Variants in SH3TC2 observed in about 807,000 individuals in gnomAD.
The protein encoded by SH3TC2 is SH3 domain and tetratricopeptide repeat-containing protein 2.
In SH3TC2, 87 loss-of-function variants were observed where a neutral mutation model predicts 124.5. The ratio of observed to expected loss-of-function variants is 0.70; its 90% CI spans 0.59 to 0.84. The LOEUF (loss-of-function observed/expected upper bound fraction) is 0.84, where lower values mean the gene tolerates loss of function less well. Ranked by LOEUF, SH3TC2 falls within the 40% of genes least tolerant of loss-of-function variation. The pLI is 0.00. For missense variants in SH3TC2, 1,536 were observed against 1,566.4 expected, an observed-to-expected ratio of 0.98 and a Z score of 0.33; for synonymous variants, 634 against 628.5, an observed-to-expected ratio of 1.01 and a Z score of -0.13.
At position 148,996,212 on chromosome 5, in the gene SH3TC2, GC is replaced by G. The variant is rs1753507561; in HGVS notation, c.*8498del. 6.6e-6 allele frequency among the ~76,000 whole-genome samples: 1 copy of G among 151,868 alleles called. No homozygotes were observed. The highest frequency in any genetic ancestry group is 2.4e-5 in the African/African-American group (1 of 41,332). On this transcript the variant is annotated 3_prime_UTR_variant, in exon 17 of 17. Transcript: ENST00000515425. ...AAGGTCGAGGTAGCAGTGAACCATG[GC>G]CACCCCACTGCACTCCAGCCTGGGC...
rs768131868 is a variant in SH3TC2, at chr5:148,996,986, G to A, written c.*7725C>T. 7.9e-5 allele frequency among the ~76,000 whole-genome samples: 12 copies of A among 152,168 alleles called. No homozygotes were observed. Among genetic ancestry groups the A allele is most frequent in the Non-Finnish European group, 1.2e-4 (8 of 68,022 alleles). ...AATTAAGCATTCCTGAATACTAAGT[G>A]AGTAAAAAAAGTGCTACTACCAACA... is the stretch of plus-strand genomic sequence containing the variant. On this transcript the variant is annotated 3_prime_UTR_variant, in exon 17 of 17. Transcript: ENST00000515425.
intron 1 of SH3TC2, among the ~76,000 whole-genome samples, chr5:149,055,104 TTGA>T (rs1754619153): frequency 1.3e-5 from 2 of 152,276 alleles, no homozygotes; most frequent in South Asian, 4.1e-4. Context: ...TCTGCATGAC[TTGA>T]TGTTGACAGT....
intron 15 of SH3TC2, chr5:149,007,289 A>G (rs1753707495): frequency 1.5e-6 from 1 of 645,744 alleles, no homozygotes; most frequent in African/African-American, 1.8e-5. Context: ...CAAATGTAAC[A>G]TTACACATGT....
At chr5:149,042,345 A>G (rs969339827) in intron 5 of SH3TC2, among the ~76,000 whole-genome samples, 1 of 152,202 alleles carries the variant, frequency 6.6e-6, no homozygotes, top group African/African-American at 2.4e-5. Flanking sequence ...GGGTTTCTCG[A>G]TTTTGGGTAG....
intron 12 of SH3TC2, among the ~76,000 whole-genome samples, chr5:149,020,912 C>A (rs571590737): frequency 4.6e-5 from 7 of 152,010 alleles, no homozygotes; most frequent in African/African-American, 1.7e-4. Flanking sequence ...CATAAGAACA[C>A]CAAGGAAATA....
In SH3TC2 at chr5:148,993,073, C is replaced by A. The variant is rs1753447386; in HGVS notation, c.*11638G>T. On this transcript the variant is annotated 3_prime_UTR_variant, in exon 17 of 17. Coordinates refer to ENST00000515425, the MANE Select transcript of SH3TC2 (RefSeq NM_024577.4). ...TCTGGGCTGCCTTTACCTGGCCTCA[C>A]TCCTGGCTTCCATAGACGCTTAAGG... Among the ~76,000 whole-genome samples, 1 of 152,180 alleles carries A rather than the reference C, an allele frequency of 6.6e-6. No homozygotes were observed. Among genetic ancestry groups the A allele is most frequent in the South Asian group, 2.1e-4 (1 of 4,826 alleles).
chr5:149,010,282 C>T lies in SH3TC2; in HGVS notation c.3315G>A (p.Val1105=), dbSNP rs375970910. 1,780 of 1,614,132 alleles carry T rather than the reference C, an allele frequency of 1.1e-3. 2 individuals are homozygous for T. The highest frequency in any genetic ancestry group is 1.3e-3 in the Non-Finnish European group (1,564 of 1,180,058). Residue 1105 remains valine (V), a synonymous_variant, in exon 14 of 17, where the codon GTG becomes GTA. Transcript: ENST00000515425. Reference sequence around the variant, plus strand: ...AGCTTGGACTTACTCGGTAGTACTCCACTGCATGATGCCTGTGGCGGGTCC... The same window carrying T: ...AGCTTGGACTTACTCGGTAGTACTCTACTGCATGATGCCTGTGGCGGGTCC... ...FNGTRHRHHA[V]EYYRAGAVPL...
chr5:149,058,727 G>A (rs557889283), intron 1 of SH3TC2, among the ~76,000 whole-genome samples: 1 of 152,250 alleles, frequency 6.6e-6, no homozygotes, highest in East Asian at 1.9e-4. Flanking sequence ...GCATGCTGGG[G>A]AGGTGGGTAG....
At chr5:149,056,763 C>A (rs950235393) in intron 1 of SH3TC2, among the ~76,000 whole-genome samples, 3 of 152,192 alleles carry the variant, frequency 2.0e-5, no homozygotes, top group African/African-American at 7.2e-5. Flanking sequence ...AATAGTTACA[C>A]ATGGATTGAC....
intron 13 of SH3TC2, 83 bp downstream of exon 13, chr5:149,012,500 TC>T (rs1753800175): frequency 1.7e-5 from 26 of 1,543,828 alleles, no homozygotes; most frequent in Non-Finnish European, 2.3e-5. Flanking sequence ...CCTCTCTGGT[TC>T]CCCCTGGTTG....
intron 1 of SH3TC2, among the ~76,000 whole-genome samples, chr5:149,059,841 T>C (rs1754715619): frequency 6.6e-6 from 1 of 152,158 alleles, no homozygotes; most frequent in South Asian, 2.1e-4. Flanking sequence ...CCCCTAAGTA[T>C]GTTTATGATG....
chr5:149,026,808 C>G (rs1754071739), intron 11 of SH3TC2, 52 bp downstream of exon 11: 4 of 1,614,058 alleles, frequency 2.5e-6, no homozygotes, highest in Non-Finnish European at 3.4e-6. Context: ...ATGGATAAAA[C>G]TTGATCCAAC....
chr5:149,034,345 A>G, intron 8 of SH3TC2: 1 of 176,236 alleles, frequency 5.7e-6, no homozygotes, highest in South Asian at 1.1e-4. Flanking sequence ...AAAAAATATA[A>G]AAGAACTGAT....
At position 149,038,283 on chromosome 5, in the gene SH3TC2, G is replaced by A. The variant is rs1489704320; in HGVS notation, c.1001+12C>T. 2 of 1,613,138 alleles carry A rather than the reference G, an allele frequency of 1.2e-6. No homozygotes were observed. The highest frequency in any genetic ancestry group is 4.5e-5 in the East Asian group (2 of 44,876). ...AGCCCAGCTCCAGGACATGCTCACT[G>A]TCAATACTCACATTGGGGAATAAGA... On this transcript the variant is annotated intron_variant, in intron 8 of 16. Transcript: ENST00000515425.
Position 148,991,379 on chromosome 5 carries a change from C to G in SH3TC2, c.*13332G>C, listed in dbSNP as rs1561750919. ...AATTTCTTTGTGGGGAGTAGCAACA[C>G]AAACCATCCAGCCAGCAATTAAATC... On this transcript the variant is annotated 3_prime_UTR_variant, in exon 17 of 17. Transcript: ENST00000515425. Among the ~76,000 whole-genome samples, 2 of 152,198 alleles carry G rather than the reference C, an allele frequency of 1.3e-5. No individual in the cohort carries two copies. The highest frequency in any genetic ancestry group is 2.4e-5 in the African/African-American group (1 of 41,450).
chr5:149,008,507 T>C (rs1385606713), intron 15 of SH3TC2: 1 of 373,908 alleles, frequency 2.7e-6, no homozygotes, highest in Non-Finnish European at 5.0e-6. Context: ...ACTTTACACT[T>C]GGGGAACAAC....
At position 149,019,166 on chromosome 5, in the gene SH3TC2, G is replaced by C. The variant is rs568240470; in HGVS notation, c.3054-6432C>G. 7.2e-5 allele frequency among the ~76,000 whole-genome samples: 11 copies of C among 152,348 alleles called. No homozygotes were observed. In the East Asian group the frequency reaches 2.1e-3, roughly 29 times the overall value. On this transcript the variant is annotated intron_variant, in intron 12 of 16. Transcript: ENST00000515425. The stretch of plus-strand genomic sequence containing the variant: ...TGTGTTTATGTTCTTTTGTCAGACA[G>C]TGAGAACCTCATACAGCTTTCCCCT...
At chr5:149,040,305 C>T (rs1754347103) in intron 7 of SH3TC2, among the ~76,000 whole-genome samples, 2 of 152,162 alleles carry the variant, frequency 1.3e-5, no homozygotes, top group African/African-American at 2.4e-5. Flanking sequence ...TTTTTTCACT[C>T]ATATATCTTA....
chr5:149,028,828 A>T (rs1482584564), intron 9 of SH3TC2, 110 bp from the exon 10 acceptor site: 2 of 1,064,476 alleles, frequency 1.9e-6, no homozygotes, highest in African/African-American at 3.1e-5. Context: ...GGCATTCAAG[A>T]CCTTCAGTCA....
Sources: allele counts gnomAD v4.1 joint callset (sites outside exome capture counted in the v4.1 genomes callset), GRCh38; gene constraint gnomAD v4.1.1; transcripts MANE v1.5; gene names NCBI Gene and HGNC (gene_info 2026-07-23, HGNC 2026-07-21).